NELL1: variants seen among roughly 807,000 people sequenced by gnomAD.
NELL1 encodes protein kinase C-binding protein NELL1.
In NELL1, 76 loss-of-function variants were observed where a neutral mutation model predicts 107.4. The ratio of observed to expected loss-of-function variants is 0.71; its 90% confidence interval spans 0.59 to 0.86. The LOEUF (loss-of-function observed/expected upper bound fraction) is 0.86. Among genes scored for constraint, NELL1 ranks in the 40% least tolerant of loss-of-function variants. The pLI is 0.00. For synonymous variants in NELL1, 353 were observed against 341.2 expected, an observed-to-expected ratio of 1.03 and a Z score of -0.38; for missense variants, 1,024 against 1,005.5, an observed-to-expected ratio of 1.02 and a Z score of -0.25.
chr11:21,269,255 G>C (rs1476653112), intron 14 of NELL1, among the ~76,000 whole-genome samples: 1 of 151,928 alleles, frequency 6.6e-6, no homozygotes, highest in Non-Finnish European at 1.5e-5. Context: ...AAACAATAAT[G>C]ACTGAGAATT....
chr11:21,017,965 C>G (rs535761649), intron 12 of NELL1, among the ~76,000 whole-genome samples: 1 of 152,140 alleles, frequency 6.6e-6, no homozygotes, highest in Admixed American at 6.6e-5. Context: ...AAAACTTGCT[C>G]TAGTATTTCA....
chr11:21,502,013 C>T (rs1411724160), intron 15 of NELL1, among the ~76,000 whole-genome samples: 1 of 152,138 alleles, frequency 6.6e-6, no homozygotes. Flanking sequence ...TCTGTCCTTG[C>T]TCATATGTAT....
chr11:21,038,808 A>G (rs2134328082), intron 12 of NELL1, among the ~76,000 whole-genome samples: 1 of 152,354 alleles, frequency 6.6e-6, no homozygotes, highest in Middle Eastern at 3.4e-3. Flanking sequence ...TGACAAGAAA[A>G]AGACTTTGCT....
At chr11:20,690,686 C>G (rs1174568382) in intron 2 of NELL1, among the ~76,000 whole-genome samples, 1 of 151,910 alleles carries the variant, frequency 6.6e-6, no homozygotes, top group Admixed American at 6.6e-5. Context: ...GTTACCGTAG[C>G]CTTGTAGCAT....
In NELL1 at chr11:21,571,185, T is replaced by C. The variant is rs530839502; in HGVS notation, c.2157+245T>C. Among the ~76,000 whole-genome samples, 5 of 151,944 alleles carry C rather than the reference T, an allele frequency of 3.3e-5. No individual in the cohort carries two copies. The South Asian group carries it at 1.0e-3, about 31-fold the overall frequency. On this transcript the variant is annotated intron_variant, in intron 18 of 19. Coordinates refer to ENST00000357134, the MANE Select transcript of NELL1 (RefSeq NM_006157.5). ...AACAATGACAGTTTACAGCTATTAC[T>C]AAAAAGAAATCAAGATCAAGAAAAA...
chr11:21,435,523 G>C (rs1294206490), intron 15 of NELL1, among the ~76,000 whole-genome samples: 1 of 149,068 alleles, frequency 6.7e-6, no homozygotes, highest in African/African-American at 2.5e-5. Context: ...ACCATGAAGA[G>C]ATGTTAGCTT....
intron 14 of NELL1, among the ~76,000 whole-genome samples, chr11:21,269,375 C>T (rs112845720): frequency 1.3e-5 from 2 of 151,162 alleles, no homozygotes; most frequent in African/African-American, 2.4e-5. Context: ...CTCTCTCTCT[C>T]TCACACACAC....
At chr11:20,880,438 A>AT (rs1425700861) in intron 4 of NELL1, among the ~76,000 whole-genome samples, 7 of 152,178 alleles carry the variant, frequency 4.6e-5, no homozygotes. Context: ...TAATATCCTT[A>AT]TGTTTTAAAT....
At chr11:21,377,984 A>C (rs1851518536) in intron 15 of NELL1, among the ~76,000 whole-genome samples, 1 of 151,934 alleles carries the variant, frequency 6.6e-6, no homozygotes, top group Non-Finnish European at 1.5e-5. Context: ...AGGATGTTTA[A>C]CATCATCCCT....
rs189335739 is a variant in NELL1, at chr11:20,690,136, T to A, written c.184+12076T>A. On this transcript the variant is annotated intron_variant, in intron 2 of 19. Transcript: ENST00000357134. ...TTGCCCACTTTTTGATGGGGTTGTT[T>A]TTTTCTTGTGAATTTGTTGGAGTTC... Among the ~76,000 whole-genome samples, 868 of 152,318 alleles carry A rather than the reference T, an allele frequency of 5.7e-3. 1 individual carries two copies. Among genetic ancestry groups the A allele is most frequent in the African/African-American group, 0.02 (831 of 41,560 alleles).
intron 15 of NELL1, among the ~76,000 whole-genome samples, chr11:21,484,676 A>G (rs1854582595): frequency 6.6e-6 from 1 of 152,142 alleles, no homozygotes. Context: ...ATGTACATAT[A>G]TGTATGAATA....
At chr11:21,309,796 G>A (rs1298519283) in intron 14 of NELL1, among the ~76,000 whole-genome samples, 2 of 151,970 alleles carry the variant, frequency 1.3e-5, no homozygotes, top group Admixed American at 6.6e-5. Context: ...ATCAGATCTT[G>A]TGAGACTCAT....
intron 3 of NELL1, among the ~76,000 whole-genome samples, chr11:20,838,357 G>A (rs894563107): frequency 2.0e-5 from 3 of 149,056 alleles, no homozygotes; most frequent in African/African-American, 7.5e-5. Context: ...ATAAGAGTGT[G>A]GAACCTAAAA....
chr11:21,392,207 G>T (rs1851894735), intron 15 of NELL1, among the ~76,000 whole-genome samples: 1 of 151,776 alleles, frequency 6.6e-6, no homozygotes, highest in Non-Finnish European at 1.5e-5. Flanking sequence ...CAAAAGAAAG[G>T]CAGTAGCCTG....
intron 15 of NELL1, among the ~76,000 whole-genome samples, chr11:21,394,914 T>A (rs947058614): frequency 6.6e-6 from 1 of 151,508 alleles, no homozygotes; most frequent in Non-Finnish European, 1.5e-5. Flanking sequence ...GGAGCCAGAA[T>A]CACTAGTTTC....
chr11:20,760,812 G>A (rs1460346070), intron 2 of NELL1, among the ~76,000 whole-genome samples: 1 of 152,150 alleles, frequency 6.6e-6, no homozygotes, highest in Non-Finnish European at 1.5e-5. Context: ...TCTGAAGTAT[G>A]GTGCCTAATC....
chr11:20,816,675 T>G (rs146478387), intron 3 of NELL1, among the ~76,000 whole-genome samples: 136 of 152,316 alleles, frequency 8.9e-4, no homozygotes, highest in Non-Finnish European at 1.6e-3. Context: ...TCCAGTCTTA[T>G]GTTGAATAGG....
intron 13 of NELL1, among the ~76,000 whole-genome samples, chr11:21,199,794 C>CT (rs1857227641): frequency 4.1e-4 from 1 of 2,442 alleles, no homozygotes; most frequent in Non-Finnish European, 1.1e-3. Flanking sequence ...CTATCCCTCC[C>CT]CAGCCCCCCA....
intron 5 of NELL1, among the ~76,000 whole-genome samples, chr11:20,890,681 C>T (rs1202846324): frequency 6.6e-6 from 1 of 151,782 alleles, no homozygotes; most frequent in African/African-American, 2.4e-5. Context: ...CGTGATGGAA[C>T]TGAAAAACAT....
Sources: allele counts gnomAD v4.1 joint callset (sites outside exome capture counted in the v4.1 genomes callset), GRCh38; gene constraint gnomAD v4.1.1; transcripts MANE v1.5; gene names NCBI Gene and HGNC (gene_info 2026-07-23, HGNC 2026-07-21).